Variants in ELMO1 observed in about 807,000 individuals in gnomAD.
ELMO1 encodes engulfment and cell motility protein 1.
Under a neutral mutation model 98.9 loss-of-function variants are expected in ELMO1, and 26 were observed. That is an observed-to-expected ratio of 0.26 (90% CI 0.19 to 0.36). ELMO1 has a LOEUF of 0.36. Ranked by LOEUF, ELMO1 falls within the 10% of genes least tolerant of loss-of-function variation. The probability of loss-of-function intolerance (pLI) is 1.00; values close to 1 mark genes in which losing one functional copy is unlikely to be tolerated. For synonymous variants in ELMO1, 346 were observed against 346.0 expected, an observed-to-expected ratio of 1.00 and a Z score of 0.00; for missense variants, 627 against 935.2, an observed-to-expected ratio of 0.67 and a Z score of 4.30.
chr7:37,219,882 T>C (rs978570052), intron 10 of ELMO1, among the ~76,000 whole-genome samples: 22 of 152,248 alleles, frequency 1.4e-4, no homozygotes, highest in Non-Finnish European at 1.0e-4. Flanking sequence ...TCAATAATAT[T>C]ATCATTGATG....
chr7:37,049,777 CTTTT>C (rs34896674), intron 15 of ELMO1, among the ~76,000 whole-genome samples: 5 of 131,046 alleles, frequency 3.8e-5, no homozygotes, highest in African/African-American at 1.1e-4. Context: ...TGTTTTGTTT[CTTTT>C]TTTTTTTTTT....
At position 37,448,308 on chromosome 7, in the gene ELMO1, C is replaced by G. The variant is rs866501244; in HGVS notation, c.-74+367G>C. 7.0e-4 allele frequency among the ~76,000 whole-genome samples: 107 copies of G among 151,950 alleles called. 1 individual carries two copies. The highest frequency in any genetic ancestry group is 3.4e-3 in the Middle Eastern group (1 of 292). On this transcript the variant is annotated intron_variant, in intron 1 of 21. Transcript: ENST00000310758. ...CAGCGTCGCAACCCTCCCGCGCCCC[C>G]CCTCCCGCAGACCCTGGTCGAAATG...
chr7:37,398,026 G>C (rs527635265), intron 1 of ELMO1, among the ~76,000 whole-genome samples: 3 of 152,276 alleles, frequency 2.0e-5, no homozygotes, highest in East Asian at 3.9e-4. Context: ...TGGGGAAGGA[G>C]AGCATTAGGA....
intron 16 of ELMO1, among the ~76,000 whole-genome samples, chr7:36,905,177 A>G (rs1011194687): frequency 6.6e-6 from 1 of 152,238 alleles, no homozygotes; most frequent in Non-Finnish European, 1.5e-5. Flanking sequence ...AATGGCTACA[A>G]ATTTTTAATA....
intron 15 of ELMO1, among the ~76,000 whole-genome samples, chr7:37,091,347 T>C (rs1784078899): frequency 6.6e-6 from 1 of 152,152 alleles, no homozygotes; most frequent in Admixed American, 6.5e-5. Context: ...CCTCAGGTGA[T>C]CCACCCGCCT....
intron 20 of ELMO1, among the ~76,000 whole-genome samples, chr7:36,867,500 C>A (rs1803124517): frequency 6.6e-6 from 1 of 152,024 alleles, no homozygotes; most frequent in Admixed American, 6.6e-5. Context: ...CTACTGATTT[C>A]AGTTTCATTG....
intron 15 of ELMO1, among the ~76,000 whole-genome samples, chr7:37,062,225 A>T (rs925823979): frequency 2.0e-5 from 3 of 152,256 alleles, no homozygotes; most frequent in African/African-American, 4.8e-5. Flanking sequence ...TAGATATCTA[A>T]CCTGATAGGC....
At chr7:37,159,482 C>T (rs139902117) in intron 13 of ELMO1, among the ~76,000 whole-genome samples, 190 of 152,228 alleles carry the variant, frequency 1.2e-3, no homozygotes, top group African/African-American at 4.3e-3. Flanking sequence ...GGGTGGATCA[C>T]CTGAGGTCAG....
chr7:37,288,846 G>C (rs1424256732), intron 4 of ELMO1, among the ~76,000 whole-genome samples: 1 of 152,166 alleles, frequency 6.6e-6, no homozygotes, highest in African/African-American at 2.4e-5. Flanking sequence ...ACCTAGGCAA[G>C]TCATATTTCT....
chr7:36,861,543 C>T, intron 21 of ELMO1, 116 bp downstream of exon 21: 2 of 1,185,524 alleles, frequency 1.7e-6, no homozygotes, highest in Non-Finnish European at 2.4e-6. Context: ...AGCAAGATGC[C>T]CCTTGGTTCA....
At chr7:37,385,878 T>C (rs1365382712) in intron 1 of ELMO1, among the ~76,000 whole-genome samples, 1 of 152,184 alleles carries the variant, frequency 6.6e-6, no homozygotes, top group Non-Finnish European at 1.5e-5. Context: ...AAACTACCAG[T>C]GCCAGGCCCA....
intron 16 of ELMO1, among the ~76,000 whole-genome samples, chr7:36,940,577 T>C (rs1353332327): frequency 2.0e-5 from 3 of 152,246 alleles, no homozygotes; most frequent in Non-Finnish European, 4.4e-5. Flanking sequence ...AGTTTCTTTT[T>C]GGAGGGGACA....
chr7:37,181,414 A>G (rs1288910610), intron 13 of ELMO1, among the ~76,000 whole-genome samples: 1 of 152,032 alleles, frequency 6.6e-6, no homozygotes, highest in East Asian at 1.9e-4. Flanking sequence ...TTTTAATTAA[A>G]TCATCGGGCA....
intron 4 of ELMO1, among the ~76,000 whole-genome samples, chr7:37,296,043 A>G (rs937365220): frequency 5.3e-5 from 8 of 152,168 alleles, no homozygotes; most frequent in African/African-American, 1.9e-4. Context: ...CAGCACAGAT[A>G]TATTTATCTC....
chr7:37,300,794 G>A (rs61897209), intron 4 of ELMO1, among the ~76,000 whole-genome samples: 1 of 150,514 alleles, frequency 6.6e-6, no homozygotes, highest in Admixed American at 6.6e-5. Flanking sequence ...AAATGAGTTA[G>A]GGAGGATTCC....
chr7:36,992,111 G>A (rs183635717), intron 16 of ELMO1, among the ~76,000 whole-genome samples: 20 of 152,278 alleles, frequency 1.3e-4, no homozygotes, highest in African/African-American at 4.6e-4. Flanking sequence ...CCCACAAAAT[G>A]CCTAACATGT....
At chr7:37,089,091 G>A (rs1038060994) in intron 15 of ELMO1, among the ~76,000 whole-genome samples, 2 of 152,140 alleles carry the variant, frequency 1.3e-5, no homozygotes, top group Non-Finnish European at 2.9e-5. Context: ...TGAAAGTGAC[G>A]GATGGTACTT....
At chr7:37,139,932 T>A (rs1787507688) in intron 13 of ELMO1, among the ~76,000 whole-genome samples, 1 of 152,146 alleles carries the variant, frequency 6.6e-6, no homozygotes, top group South Asian at 2.1e-4. Flanking sequence ...AGCCAACTGA[T>A]CTTTGACAAA....
At chr7:37,261,358 G>A (rs895510907) in intron 5 of ELMO1, among the ~76,000 whole-genome samples, 3 of 152,196 alleles carry the variant, frequency 2.0e-5, no homozygotes, top group Non-Finnish European at 4.4e-5. Flanking sequence ...ATTGTAAACA[G>A]TGGATCTCAA....
Sources: allele counts gnomAD v4.1 joint callset (sites outside exome capture counted in the v4.1 genomes callset), GRCh38; gene constraint gnomAD v4.1.1; transcripts MANE v1.5; gene names NCBI Gene and HGNC (gene_info 2026-07-23, HGNC 2026-07-21).